Variants in CNTNAP2 observed in about 807,000 individuals in gnomAD.
CNTNAP2 encodes contactin-associated protein-like 2.
Under a neutral mutation model 155.2 loss-of-function variants are expected in CNTNAP2, and 98 were observed. The observed-to-expected ratio is 0.63, with a 90% confidence interval of 0.54 to 0.75. CNTNAP2 has a LOEUF of 0.75. Ranked by LOEUF, CNTNAP2 falls within the 30% of genes least tolerant of loss-of-function variation. The pLI, the probability that CNTNAP2 is intolerant of heterozygous loss-of-function variation, is 0.00. For missense variants in CNTNAP2, 1,727 were observed against 1,688.1 expected (o/e 1.02, Z -0.40); for synonymous variants, 651 against 631.2 (o/e 1.03, Z -0.47).
intron 8 of CNTNAP2, among the ~76,000 whole-genome samples, chr7:147,270,063 TA>T (rs201732972): frequency 0.017 from 2,531 of 151,332 alleles, 39 homozygotes; most frequent in Middle Eastern, 0.037. Flanking sequence ...CCTTATCACT[TA>T]AAAAAAAATT....
chr7:147,251,889 CAAG>C (rs1804206453), intron 8 of CNTNAP2, among the ~76,000 whole-genome samples: 1 of 151,996 alleles, frequency 6.6e-6, no homozygotes, highest in Non-Finnish European at 1.5e-5. Context: ...TGTTTTAAAT[CAAG>C]AAAGTTGGAC....
chr7:147,668,402 A>G (rs560182351), intron 13 of CNTNAP2, among the ~76,000 whole-genome samples: 8 of 152,334 alleles, frequency 5.3e-5, no homozygotes, highest in African/African-American at 1.9e-4. Context: ...ATCTTTAAAA[A>G]GAGCCTTAAG....
chr7:146,333,979 T>C (rs972138448), intron 1 of CNTNAP2, among the ~76,000 whole-genome samples: 1 of 152,178 alleles, frequency 6.6e-6, no homozygotes, highest in Non-Finnish European at 1.5e-5. Context: ...AATATAATCC[T>C]GATCCATGAC....
At chr7:146,628,461 T>C (rs565353911) in intron 1 of CNTNAP2, among the ~76,000 whole-genome samples, 53 of 152,116 alleles carry the variant, frequency 3.5e-4, no homozygotes, top group Admixed American at 7.9e-4. Context: ...AACAATACAT[T>C]ATTGACAAAT....
At position 147,616,681 on chromosome 7, in the gene CNTNAP2, T is replaced by C. The variant is rs140965279; in HGVS notation, c.1898-22425T>C. Among the ~76,000 whole-genome samples, 50 of 152,250 alleles carry C rather than the reference T, an allele frequency of 3.3e-4. 1 individual carries two copies. The highest frequency in any genetic ancestry group is 1.1e-3 in the African/African-American group (45 of 41,558). ...CACTCCTCAATCATTCTCCTTCCACTTACCAAGCTTTTTTTCACAGAAGAT... is the reference window on the plus strand; with the variant it reads ...CACTCCTCAATCATTCTCCTTCCACCTACCAAGCTTTTTTTCACAGAAGAT... On this transcript the variant is annotated intron_variant, in intron 12 of 23. Coordinates refer to ENST00000361727, the MANE Select transcript of CNTNAP2 (RefSeq NM_014141.6).
chr7:146,886,369 T>C (rs1047721136), intron 3 of CNTNAP2, among the ~76,000 whole-genome samples: 4 of 152,054 alleles, frequency 2.6e-5, no homozygotes, highest in Non-Finnish European at 5.9e-5. Context: ...TCTTTTATTG[T>C]TTTTAATGTT....
chr7:146,498,882 G>C lies in CNTNAP2; in HGVS notation c.98-275389G>C, dbSNP rs700283. 2.3e-3 allele frequency among the ~76,000 whole-genome samples: 349 copies of C among 152,248 alleles called. 3 individuals are homozygous for C. The highest frequency in any genetic ancestry group is 7.9e-3 in the African/African-American group (328 of 41,546). On this transcript the variant is annotated intron_variant, in intron 1 of 23. Coordinates refer to ENST00000361727, the MANE Select transcript of CNTNAP2 (RefSeq NM_014141.6). ...GACTTAGACTAATTTTCTCTCAAGA[G>C]CACTAATGTGTTAATCTAGCCAAAC...
chr7:147,577,508 G>C (rs1262730139), intron 12 of CNTNAP2, among the ~76,000 whole-genome samples: 2 of 151,656 alleles, frequency 1.3e-5, no homozygotes, highest in African/African-American at 2.4e-5. Context: ...CCTATCTGTA[G>C]CCCCCATTCT....
intron 1 of CNTNAP2, among the ~76,000 whole-genome samples, chr7:146,618,357 A>T (rs1291556225): frequency 6.6e-6 from 1 of 152,220 alleles, no homozygotes; most frequent in African/African-American, 2.4e-5. Context: ...AGACTCATTA[A>T]TTGTACATTT....
intron 2 of CNTNAP2, chr7:146,782,347 A>C (rs1415995990): frequency 6.6e-6 from 1 of 152,140 alleles, no homozygotes; most frequent in East Asian, 1.9e-4. Context: ...GATATTTGAC[A>C]TTCCTATTTT....
intron 4 of CNTNAP2, 54 bp downstream of exon 4, chr7:147,044,108 A>T: frequency 4.4e-6 from 7 of 1,597,902 alleles, no homozygotes; most frequent in Non-Finnish European, 6.0e-6. Flanking sequence ...TTTAAATAGT[A>T]AGCTGTTTTA....
intron 4 of CNTNAP2, among the ~76,000 whole-genome samples, chr7:147,065,591 T>A (rs1251974363): frequency 6.6e-6 from 1 of 152,216 alleles, no homozygotes; most frequent in Non-Finnish European, 1.5e-5. Flanking sequence ...GTTGTGTGGA[T>A]AAAGTTTTCC....
intron 16 of CNTNAP2, among the ~76,000 whole-genome samples, chr7:148,146,176 G>C (rs1020567003): frequency 6.6e-6 from 1 of 152,144 alleles, no homozygotes; most frequent in African/African-American, 2.4e-5. Flanking sequence ...AAAAAAAAAT[G>C]ACAGATATTT....
At chr7:146,171,372 G>C (rs1229597950) in intron 1 of CNTNAP2, among the ~76,000 whole-genome samples, 1 of 151,844 alleles carries the variant, frequency 6.6e-6, no homozygotes, top group Admixed American at 6.6e-5. Context: ...TTATTTAGAG[G>C]TGCTGAAAGA....
At chr7:146,317,804 C>T (rs964390622) in intron 1 of CNTNAP2, among the ~76,000 whole-genome samples, 2 of 152,184 alleles carry the variant, frequency 1.3e-5, no homozygotes, top group Non-Finnish European at 2.9e-5. Flanking sequence ...TTAACTCAAT[C>T]AAAGCAATGT....
intron 1 of CNTNAP2, among the ~76,000 whole-genome samples, chr7:146,267,576 C>A (rs749427932): frequency 2.6e-5 from 4 of 152,120 alleles, no homozygotes; most frequent in Admixed American, 6.6e-5. Flanking sequence ...GGAGTTAGTG[C>A]CCTTGTTAAA....
intron 1 of CNTNAP2, among the ~76,000 whole-genome samples, chr7:146,683,970 A>T (rs1800550617): frequency 6.6e-6 from 1 of 152,144 alleles, no homozygotes; most frequent in Non-Finnish European, 1.5e-5. Context: ...GGAAACAGGG[A>T]ATTTTCCCAA....
intron 18 of CNTNAP2, among the ~76,000 whole-genome samples, chr7:148,177,354 A>T (rs1332609115): frequency 6.6e-6 from 1 of 152,212 alleles, no homozygotes; most frequent in Admixed American, 6.5e-5. Flanking sequence ...GTGAAGACGG[A>T]GGCAGAGATC....
At chr7:146,544,383 G>A (rs1797997638) in intron 1 of CNTNAP2, among the ~76,000 whole-genome samples, 1 of 151,948 alleles carries the variant, frequency 6.6e-6, no homozygotes, top group East Asian at 1.9e-4. Context: ...GTCCAGGCAA[G>A]TGAGGCCTTT....
Sources: allele counts gnomAD v4.1 joint callset (sites outside exome capture counted in the v4.1 genomes callset), GRCh38; gene constraint gnomAD v4.1.1; transcripts MANE v1.5; gene names NCBI Gene and HGNC (gene_info 2026-07-23, HGNC 2026-07-21).